The following DCLK2 variants were observed in gnomAD, a reference collection of about 807,000 sequenced individuals.
DCLK2 encodes the protein doublecortin like kinase 2, also known as serine/threonine-protein kinase DCLK2.
A neutral mutation model predicts 78.4 loss-of-function variants in DCLK2; 31 were observed. That is an observed-to-expected ratio of 0.40 (90% CI 0.30 to 0.53). The LOEUF (loss-of-function observed/expected upper bound fraction) is 0.53, where lower values mean the gene tolerates loss of function less well. Among genes scored for constraint, DCLK2 ranks in the 20% least tolerant of loss-of-function variants. DCLK2 has a pLI of 0.61. For synonymous variants in DCLK2, 407 were observed against 374.9 expected (o/e 1.09, Z -0.99); for missense variants, 872 against 973.7 (o/e 0.90, Z 1.39).
At chr4:150,199,194 A>C in intron 4 of DCLK2, 1 of 916,436 alleles carries the variant, frequency 1.1e-6, no homozygotes, top group East Asian at 2.7e-5. Context: ...ATTCCAGTGC[A>C]CATCTGTGTG....
chr4:150,189,898 A>G (rs1425068183), intron 2 of DCLK2, among the ~76,000 whole-genome samples: 2 of 151,834 alleles, frequency 1.3e-5, no homozygotes, highest in South Asian at 2.1e-4. Flanking sequence ...TCAGGACACT[A>G]AAGGGTGGTC....
intron 5 of DCLK2, among the ~76,000 whole-genome samples, chr4:150,212,186 A>T (rs1198988749): frequency 6.6e-6 from 1 of 152,182 alleles, no homozygotes; most frequent in African/African-American, 2.4e-5. Context: ...TACATTTGGA[A>T]CATTATCCAA....
intron 8 of DCLK2, among the ~76,000 whole-genome samples, chr4:150,228,917 T>C (rs994230155): frequency 6.6e-6 from 1 of 151,726 alleles, no homozygotes; most frequent in African/African-American, 2.4e-5. Context: ...TCCCAGCTAC[T>C]CGGGAGGCTG....
chr4:150,196,588 A>G (rs1283366192), intron 3 of DCLK2, among the ~76,000 whole-genome samples: 1 of 152,192 alleles, frequency 6.6e-6, no homozygotes, highest in Non-Finnish European at 1.5e-5. Flanking sequence ...GTAAACTACT[A>G]CAGACAGTAT....
chr4:150,179,868 CCAAA>C (rs1390718947), intron 2 of DCLK2, among the ~76,000 whole-genome samples: 1 of 152,046 alleles, frequency 6.6e-6, no homozygotes, highest in Non-Finnish European at 1.5e-5. Flanking sequence ...ATATCAATTT[CCAAA>C]CATATTCAGT....
intron 2 of DCLK2, among the ~76,000 whole-genome samples, chr4:150,121,503 T>C (rs550440246): frequency 6.6e-6 from 1 of 152,362 alleles, no homozygotes; most frequent in East Asian, 1.9e-4. Flanking sequence ...CTTCTAATTC[T>C]AGTTCTCTTG....
intron 1 of DCLK2, among the ~76,000 whole-genome samples, chr4:150,096,860 C>T (rs2150146296): frequency 6.6e-6 from 1 of 152,190 alleles, no homozygotes; most frequent in South Asian, 2.1e-4. Flanking sequence ...TGAGGACTGG[C>T]AGTGAATGGA....
chr4:150,109,867 G>A (rs58203732), intron 2 of DCLK2, among the ~76,000 whole-genome samples: 1,863 of 152,276 alleles, frequency 0.012, 29 homozygotes, highest in African/African-American at 0.042. Flanking sequence ...CTGATCTAAG[G>A]TGACTTACCT....
intron 5 of DCLK2, among the ~76,000 whole-genome samples, chr4:150,211,313 AAGAGAG>A (rs140221411): frequency 1.4e-4 from 21 of 148,352 alleles, no homozygotes; most frequent in Admixed American, 2.7e-4. Context: ...ACCAAGTGAT[AAGAGAG>A]AGAGAGAGAG....
At chr4:150,104,411 A>AAAAAAAAAAAAAAAAAAAAAAAAC (rs1731100270) in intron 2 of DCLK2, among the ~76,000 whole-genome samples, 1 of 149,634 alleles carries the variant, frequency 6.7e-6, no homozygotes, top group Non-Finnish European at 1.5e-5. Context: ...AAAAAAAAAA[A>AAAAAAAAAAAAAAAAAAAAAAAAC]AAAAAAAAAA....
At chr4:150,176,857 T>C (rs999134212) in intron 2 of DCLK2, among the ~76,000 whole-genome samples, 2 of 152,224 alleles carry the variant, frequency 1.3e-5, no homozygotes, top group African/African-American at 2.4e-5. Context: ...CAGCAAAGCA[T>C]AGAGCTTGAT....
intron 5 of DCLK2, 90 bp from the exon 6 acceptor site, chr4:150,220,613 A>G (rs1181062316): frequency 1.1e-5 from 12 of 1,075,640 alleles, no homozygotes; most frequent in Admixed American, 2.0e-5. Flanking sequence ...ACACATTTTT[A>G]CATTCTGTAA....
intron 2 of DCLK2, among the ~76,000 whole-genome samples, chr4:150,124,774 A>G (rs1303616813): frequency 1.2e-4 from 18 of 152,226 alleles, no homozygotes; most frequent in Admixed American, 1.2e-3. Flanking sequence ...TAGACAGAAG[A>G]TGAAAGTTTA....
intron 12 of DCLK2, among the ~76,000 whole-genome samples, chr4:150,242,349 AGGTG>A (rs1299586656): frequency 6.6e-6 from 1 of 152,194 alleles, no homozygotes; most frequent in Non-Finnish European, 1.5e-5. Flanking sequence ...GAGTTTTTGT[AGGTG>A]GAAAGATATT....
At chr4:150,123,278 T>G (rs1272084188) in intron 2 of DCLK2, among the ~76,000 whole-genome samples, 10 of 152,212 alleles carry the variant, frequency 6.6e-5, no homozygotes, top group African/African-American at 2.4e-4. Flanking sequence ...TTCCTTTCAC[T>G]TGAACACTTA....
chr4:150,083,220 C>CT (rs1227668820), intron 1 of DCLK2, among the ~76,000 whole-genome samples: 1 of 152,216 alleles, frequency 6.6e-6, no homozygotes, highest in East Asian at 1.9e-4. Context: ...GTGTATATCT[C>CT]TGATGAAGTG....
At chr4:150,138,958 C>T (rs1346768259) in intron 2 of DCLK2, among the ~76,000 whole-genome samples, 1 of 151,590 alleles carries the variant, frequency 6.6e-6, no homozygotes, top group Non-Finnish European at 1.5e-5. Context: ...GCCACGGCGC[C>T]TGGCCCATTT....
chr4:150,175,794 G>A (rs531904759), intron 2 of DCLK2, among the ~76,000 whole-genome samples: 16 of 152,284 alleles, frequency 1.1e-4, no homozygotes, highest in African/African-American at 2.9e-4. Context: ...TCATTTTGGC[G>A]TGTCTTCATG....
rs539002388 is a variant in DCLK2 at position 150,109,349 on chromosome 4, T to C, written c.756+6537T>C. ...CATGCATTTCCCTTTTTTTTTTTTT[T>C]CTCTGAGACGGAGTCTGGCTCTGTC... On this transcript the variant is annotated intron_variant, in intron 2 of 15. Coordinates refer to ENST00000296550, the MANE Select transcript of DCLK2 (RefSeq NM_001040260.4). Among the ~76,000 whole-genome samples the C allele has an allele frequency of 2.6e-3, 387 of 150,748 alleles. 3 individuals are homozygous for C. Among genetic ancestry groups the C allele is most frequent in the African/African-American group, 8.9e-3 (364 of 40,946 alleles).
Sources: gnomAD v4.1 joint callset for allele counts (sites outside exome capture counted in the v4.1 genomes callset) on GRCh38, gnomAD v4.1.1 for gene constraint, MANE v1.5 for transcripts, NCBI Gene and HGNC (gene_info 2026-07-23, HGNC 2026-07-21) for gene names.